The following TMEM131 variants were observed in gnomAD, a reference collection of about 807,000 sequenced individuals.
TMEM131 encodes 2610524E03Rik.
In TMEM131, 66 loss-of-function variants were observed where a neutral mutation model predicts 211.6. That is an observed-to-expected ratio of 0.31 (90% CI 0.26 to 0.38). The LOEUF (loss-of-function observed/expected upper bound fraction) is 0.38. Ranked by LOEUF, TMEM131 falls within the 10% of genes least tolerant of loss-of-function variation. TMEM131 has a pLI of 1.00. For synonymous variants in TMEM131, 844 were observed against 841.3 expected (o/e 1.00, Z -0.06); for missense variants, 2,036 against 2,299.3 (o/e 0.89, Z 2.34).
At chr2:97,821,990 T>C (rs543871591) in intron 11 of TMEM131, among the ~76,000 whole-genome samples, 1 of 152,264 alleles carries the variant, frequency 6.6e-6, no homozygotes, top group East Asian at 1.9e-4. Context: ...ATGAGCGGAA[T>C]TCTCAAAGTT....
Position 97,795,001 on chromosome 2 carries a change from T to C in TMEM131, c.3315A>G (p.Ala1105=), listed in dbSNP as rs144067842. ...GTCTGGGTAGGGCTTCTGCACAGGT[T>C]GCTAACATATGGTAAGGAAGGGATG... ...LNASLPYHML[A]TCAEALPRPN... Residue 1105 remains alanine (A), a synonymous_variant, in exon 29 of 41, where the codon GCA becomes GCG. Coordinates refer to ENST00000186436, the MANE Select transcript of TMEM131 (RefSeq NM_015348.2). The C allele has an allele frequency of 3.7e-5, 59 of 1,613,606 alleles. No homozygotes were observed. The African/African-American group carries it at 6.7e-4, about 18-fold the overall frequency.
At chr2:97,783,998 AAAG>A (rs894450075) in intron 31 of TMEM131, among the ~76,000 whole-genome samples, 5 of 152,112 alleles carry the variant, frequency 3.3e-5, no homozygotes, top group African/African-American at 1.2e-4. Context: ...TACTAGAAAC[AAAG>A]AAGGACATGA....
intron 5 of TMEM131, among the ~76,000 whole-genome samples, chr2:97,846,938 T>G (rs1683467746): frequency 6.6e-6 from 1 of 152,064 alleles, no homozygotes; most frequent in African/African-American, 2.4e-5. Flanking sequence ...CCCAGCAATT[T>G]GGGAGGCCGA....
At chr2:97,885,095 C>T (rs1474077930) in intron 4 of TMEM131, among the ~76,000 whole-genome samples, 1 of 152,182 alleles carries the variant, frequency 6.6e-6, no homozygotes, top group Non-Finnish European at 1.5e-5. Flanking sequence ...CACATGTTTT[C>T]ATAATGGTGG....
intron 32 of TMEM131, among the ~76,000 whole-genome samples, chr2:97,773,780 T>A (rs1306255866): frequency 1.3e-5 from 2 of 152,190 alleles, no homozygotes; most frequent in African/African-American, 4.8e-5. Flanking sequence ...TTCTTGTATT[T>A]TTTTGTAGAA....
intron 4 of TMEM131, among the ~76,000 whole-genome samples, chr2:97,872,715 G>A (rs1176109393): frequency 1.3e-5 from 2 of 152,212 alleles, no homozygotes; most frequent in Admixed American, 6.5e-5. Flanking sequence ...CACAGATACT[G>A]CGCTTGTCCC....
At chr2:97,834,741 A>T in intron 9 of TMEM131, 34 bp downstream of exon 9, 1 of 1,608,532 alleles carries the variant, frequency 6.2e-7, no homozygotes, top group Non-Finnish European at 8.5e-7. Context: ...ACTGAAAACA[A>T]AACAACTTTC....
chr2:97,899,541 TTC>T (rs1357816134), intron 3 of TMEM131, among the ~76,000 whole-genome samples: 1 of 152,140 alleles, frequency 6.6e-6, no homozygotes, highest in Non-Finnish European at 1.5e-5. Context: ...GTGATAAAAT[TTC>T]TGACCTATCA....
At chr2:97,976,741 C>T (rs1401990978) in intron 1 of TMEM131, among the ~76,000 whole-genome samples, 4 of 152,028 alleles carry the variant, frequency 2.6e-5, no homozygotes, top group South Asian at 4.1e-4. Context: ...GACACTGTTT[C>T]GGTAACTATA....
chr2:97,782,002 C>T (rs1457539155), intron 31 of TMEM131, among the ~76,000 whole-genome samples: 1 of 152,352 alleles, frequency 6.6e-6, no homozygotes, highest in African/African-American at 2.4e-5. Flanking sequence ...AAGGCTGTAA[C>T]CAGACATCCC....
intron 31 of TMEM131, among the ~76,000 whole-genome samples, chr2:97,780,857 AG>A (rs1679962261): frequency 6.6e-6 from 1 of 151,550 alleles, no homozygotes; most frequent in African/African-American, 2.4e-5. Context: ...GAAGCGGTTT[AG>A]AAAAACTCGG....
intron 1 of TMEM131, among the ~76,000 whole-genome samples, chr2:97,969,541 G>A (rs1393020731): frequency 6.6e-6 from 1 of 152,090 alleles, no homozygotes; most frequent in Non-Finnish European, 1.5e-5. Context: ...GGTCTTCTTG[G>A]CTATCTAAGA....
At chr2:97,981,753 C>T (rs1355529450) in intron 1 of TMEM131, among the ~76,000 whole-genome samples, 1 of 152,136 alleles carries the variant, frequency 6.6e-6, no homozygotes, top group African/African-American at 2.4e-5. Context: ...TCTATTTTGT[C>T]TCTGTGGATT....
intron 4 of TMEM131, among the ~76,000 whole-genome samples, chr2:97,882,019 G>A (rs1043914838): frequency 2.0e-5 from 3 of 152,176 alleles, no homozygotes; most frequent in Non-Finnish European, 4.4e-5. Flanking sequence ...ACTTTCTGCA[G>A]TGAAAATGTA....
chr2:97,770,238 A>T (rs550039895), intron 33 of TMEM131, among the ~76,000 whole-genome samples: 1 of 152,172 alleles, frequency 6.6e-6, no homozygotes, highest in Non-Finnish European at 1.5e-5. Flanking sequence ...TCCGGTTATT[A>T]AAAAAACCAG....
intron 3 of TMEM131, among the ~76,000 whole-genome samples, chr2:97,905,589 A>G (rs1676034954): frequency 6.6e-6 from 1 of 152,136 alleles, no homozygotes; most frequent in Non-Finnish European, 1.5e-5. Context: ...CTTCAGTTTA[A>G]ATTACTGCTG....
chr2:97,888,326 T>C (rs1466540438), intron 3 of TMEM131, among the ~76,000 whole-genome samples: 1 of 152,224 alleles, frequency 6.6e-6, no homozygotes, highest in Non-Finnish European at 1.5e-5. Flanking sequence ...GGGATTATTT[T>C]TCTTCTTCAA....
At chr2:97,995,283 C>T (rs1406956544) in intron 1 of TMEM131, among the ~76,000 whole-genome samples, 193 bp downstream of exon 1, 1 of 152,212 alleles carries the variant, frequency 6.6e-6, no homozygotes, top group Non-Finnish European at 1.5e-5. Flanking sequence ...GGGGAAGGCA[C>T]GGGAAGGAAT....
At chr2:97,848,154 A>G (rs1683534126) in intron 5 of TMEM131, among the ~76,000 whole-genome samples, 1 of 152,238 alleles carries the variant, frequency 6.6e-6, no homozygotes, top group African/African-American at 2.4e-5. Context: ...AGACTCACAC[A>G]TACAAGGTCA....
Sources: allele counts gnomAD v4.1 joint callset (sites outside exome capture counted in the v4.1 genomes callset), GRCh38; gene constraint gnomAD v4.1.1; transcripts MANE v1.5; gene names NCBI Gene and HGNC (gene_info 2026-07-23, HGNC 2026-07-21).